The following CAMK2G variants were observed in gnomAD, a reference collection of about 807,000 sequenced individuals.
CAMK2G encodes the protein calcium/calmodulin-dependent protein kinase type II subunit gamma.
In CAMK2G, 23 loss-of-function variants were observed where a neutral mutation model predicts 88.7. The observed-to-expected ratio is 0.26, with a 90% confidence interval of 0.19 to 0.37. CAMK2G has a LOEUF of 0.37. CAMK2G is among the 10% of genes least tolerant of loss of function. The pLI is 1.00. For synonymous variants in CAMK2G, 263 were observed against 294.8 expected (o/e 0.89, Z 1.11); for missense variants, 476 against 780.8 (o/e 0.61, Z 4.65).
At position 73,873,030 on chromosome 10, in the gene CAMK2G, T is replaced by A. The variant is rs1319922957; in HGVS notation, c.119A>T (p.Tyr40Phe). The A allele has an allele frequency of 6.2e-7, 1 of 1,613,628 alleles. No individual in the cohort carries two copies. Among genetic ancestry groups the A allele is most frequent in the East Asian group, 2.2e-5 (1 of 44,868 alleles). The change falls in exon 2 of 23, where the codon TAC becomes TTC. Residue 40 changes from tyrosine (Y) to phenylalanine (F), a missense_variant. Coordinates refer to ENST00000423381, the MANE Select transcript of CAMK2G (RefSeq NM_001367534.1). The part of the protein sequence containing the change: ...RCVKKTSTQE[Y>F]AAKIINTKKL... ...CTTGGTATTGATGATTTTTGCTGCGTACTCCTGCGTGGAGGTTTTCTTCAC... is the reference window on the plus strand; with the variant it reads ...CTTGGTATTGATGATTTTTGCTGCGAACTCCTGCGTGGAGGTTTTCTTCAC...
At chr10:73,855,638 T>C (rs2094972314) in intron 3 of CAMK2G, among the ~76,000 whole-genome samples, 2 of 152,168 alleles carry the variant, frequency 1.3e-5, no homozygotes, top group Admixed American at 1.3e-4. Context: ...GTCATTGGCG[T>C]CTGCCCTTCT....
Position 73,842,374 on chromosome 10 carries a change from G to C in CAMK2G, c.903+84C>G. 1 of 1,224,030 alleles carries C rather than the reference G, an allele frequency of 8.2e-7. No individual in the cohort carries two copies. 75.8% of individuals were successfully genotyped at this position (1,224,030 alleles called of 1,614,324 possible). Reference sequence around the variant, plus strand: ...CAGAGCCCAGCTCCAGCCAGGAGGGGAGCTTCCTTCTGAAATGGGGCAGGA... The same window carrying C: ...CAGAGCCCAGCTCCAGCCAGGAGGGCAGCTTCCTTCTGAAATGGGGCAGGA... On this transcript the variant is annotated intron_variant, in intron 11 of 22. Coordinates refer to ENST00000423381, the MANE Select transcript of CAMK2G (RefSeq NM_001367534.1). This position sits in a 1 kb window ranked among gnomAD's most constrained non-coding sequence, Gnocchi z 4.6.
At chr10:73,821,071 A>G (rs1357386687) in intron 18 of CAMK2G, among the ~76,000 whole-genome samples, 1 of 151,906 alleles carries the variant, frequency 6.6e-6, no homozygotes, top group Non-Finnish European at 1.5e-5. Flanking sequence ...CGGCCTCCCA[A>G]AGTGTGGGGA....
Position 73,839,301 on chromosome 10 carries a change from A to G in CAMK2G, c.1009+238T>C, listed in dbSNP as rs1464765000. On this transcript the variant is annotated intron_variant, in intron 13 of 22. Coordinates refer to ENST00000423381, the MANE Select transcript of CAMK2G (RefSeq NM_001367534.1). This position sits in a 1 kb window ranked among gnomAD's most constrained non-coding sequence, Gnocchi z 4.2. ...GGCAAGGCTCCCGCTGCCCAGCTCC[A>G]TGCCCCCAGGCTACTGCCCCCTGAA... Among the ~76,000 whole-genome samples, 1 of 152,210 alleles carries G rather than the reference A, an allele frequency of 6.6e-6. No homozygotes were observed. Among genetic ancestry groups the G allele is most frequent in the Non-Finnish European group, 1.5e-5 (1 of 68,020 alleles).
At chr10:73,821,113 T>G (rs541056147) in intron 18 of CAMK2G, among the ~76,000 whole-genome samples, 73 of 151,982 alleles carry the variant, frequency 4.8e-4, no homozygotes, top group Admixed American at 1.4e-3. Flanking sequence ...CCTGGCCTAT[T>G]TATTTGTTCC....
chr10:73,857,450 C>T (rs1035075035), intron 3 of CAMK2G, among the ~76,000 whole-genome samples: 5 of 152,164 alleles, frequency 3.3e-5, no homozygotes, highest in Admixed American at 6.6e-5. Flanking sequence ...GATGCGACTC[C>T]GAAGCCGCAA....
At chr10:73,849,411 C>A in intron 5 of CAMK2G, 78 bp from the exon 6 acceptor site, 1 of 1,030,036 alleles carries the variant, frequency 9.7e-7, no homozygotes, top group Non-Finnish European at 1.5e-6. Flanking sequence ...ATGCTGCAGA[C>A]TAAGGCATGT....
Position 73,862,138 on chromosome 10 carries a change from T to C in CAMK2G, c.161-1249A>G, listed in dbSNP as rs558393040. On this transcript the variant is annotated intron_variant, in intron 2 of 22. Transcript: ENST00000423381. ...CTTCCACAGGAAGGCAGAGCTCCAGTACGTGGGAAGAGAGGATGCTACTCA... is the reference window on the plus strand; with the variant it reads ...CTTCCACAGGAAGGCAGAGCTCCAGCACGTGGGAAGAGAGGATGCTACTCA... 2.0e-5 allele frequency among the ~76,000 whole-genome samples: 3 copies of C among 152,236 alleles called. No homozygotes were observed. The South Asian group carries it at 6.2e-4, about 32-fold the overall frequency.
intron 21 of CAMK2G, 144 bp downstream of exon 21, chr10:73,816,879 A>G (rs1206525987): frequency 6.2e-7 from 1 of 1,606,194 alleles, no homozygotes; most frequent in Non-Finnish European, 8.5e-7. Context: ...TCGGGGCACA[A>G]GGGGACAAGC....
intron 4 of CAMK2G, chr10:73,852,935 G>C: frequency 2.0e-6 from 1 of 503,386 alleles, no homozygotes; most frequent in Non-Finnish European, 3.5e-6. Flanking sequence ...CAAGACAAAG[G>C]CATCTGTGCA....
intron 14 of CAMK2G, among the ~76,000 whole-genome samples, chr10:73,832,989 G>A (rs1262329792): frequency 6.9e-6 from 1 of 143,886 alleles, no homozygotes; most frequent in Non-Finnish European, 1.5e-5. Context: ...TTTTTAAACA[G>A]AGCCTCACTC....
rs2135047539 is a variant in CAMK2G at position 73,851,300 on chromosome 10, G to A, written c.341+954C>T. ...CTCGAGAAAAGCAAGGCTGGGGGAAGAGCCAAGGCGGGAAAGGCAGGCTGA... is the reference window on the plus strand; with the variant it reads ...CTCGAGAAAAGCAAGGCTGGGGGAAAAGCCAAGGCGGGAAAGGCAGGCTGA... On this transcript the variant is annotated intron_variant, in intron 5 of 22. Coordinates refer to ENST00000423381, the MANE Select transcript of CAMK2G (RefSeq NM_001367534.1). 1.3e-5 allele frequency among the ~76,000 whole-genome samples: 2 copies of A among 152,344 alleles called. 1 individual carries two copies. Among genetic ancestry groups the A allele is most frequent in the South Asian group, 4.1e-4 (2 of 4,832 alleles).
chr10:73,857,275 A>C (rs1234871497), intron 3 of CAMK2G, among the ~76,000 whole-genome samples: 1 of 152,074 alleles, frequency 6.6e-6, no homozygotes, highest in African/African-American at 2.4e-5. Flanking sequence ...TGGAATCTCC[A>C]TTTTCATCAT....
At chr10:73,838,278 G>A (rs1442517833) in intron 13 of CAMK2G, among the ~76,000 whole-genome samples, 1 of 152,224 alleles carries the variant, frequency 6.6e-6, no homozygotes, top group African/African-American at 2.4e-5. Flanking sequence ...AGGAGAGTCT[G>A]GGAGGCACAG....
chr10:73,819,447 G>T (rs2086974098), intron 19 of CAMK2G, 85 bp downstream of exon 19: 3 of 920,386 alleles, frequency 3.3e-6, no homozygotes, highest in Non-Finnish European at 5.2e-6. Context: ...AGGTGGGTGG[G>T]ACTGACAGCT....
intron 14 of CAMK2G, among the ~76,000 whole-genome samples, chr10:73,830,265 A>C (rs1322188826): frequency 6.6e-6 from 1 of 152,144 alleles, no homozygotes; most frequent in East Asian, 1.9e-4. Context: ...CATTGTCTAA[A>C]TGTGAGGTCT....
chr10:73,847,188 A>AC (rs766925529), intron 10 of CAMK2G, 37 bp downstream of exon 10: 1 of 1,608,308 alleles, frequency 6.2e-7, no homozygotes, highest in Admixed American at 1.7e-5. Flanking sequence ...GAAGGCTGAC[A>AC]CCCCTGAGCT....
chr10:73,819,708 C>T, intron 18 of CAMK2G, 63 bp from the exon 19 acceptor site: 1 of 1,072,938 alleles, frequency 9.3e-7, no homozygotes, highest in Admixed American at 2.4e-5. Context: ...CAGAACAAGG[C>T]AGGTGAGCGA....
At position 73,839,682 on chromosome 10, in the gene CAMK2G, C is replaced by T. The variant is rs1476355754; in HGVS notation, c.947-81G>A. 9.7e-6 allele frequency: 9 copies of T among 928,260 alleles called. No homozygotes were observed. Among genetic ancestry groups the T allele is most frequent in the Admixed American group, 8.6e-5 (2 of 23,262 alleles). The allele number at this position is 928,260 out of a possible 1,614,324, so 57.5% of individuals were successfully genotyped here. On this transcript the variant is annotated intron_variant, in intron 12 of 22. Coordinates refer to ENST00000423381, the MANE Select transcript of CAMK2G (RefSeq NM_001367534.1). This position sits in a 1 kb window ranked among gnomAD's most constrained non-coding sequence, Gnocchi z 4.2. ...GCAGCGAGCATGCCCCAGCGCGAGG[C>T]GCAGCCCAGGCGGCGTGGCCAAGCC...
Sources: allele counts gnomAD v4.1 joint callset (sites outside exome capture counted in the v4.1 genomes callset), GRCh38; gene constraint gnomAD v4.1.1; non-coding constraint Gnocchi (gnomAD v3.1); transcripts MANE v1.5; gene names NCBI Gene and HGNC (gene_info 2026-07-23, HGNC 2026-07-21).